The following KIAA1217 variants were observed in gnomAD, a reference collection of about 807,000 sequenced individuals.
KIAA1217 encodes sickle tail protein homolog.
Under a neutral mutation model 163.9 loss-of-function variants are expected in KIAA1217, and 88 were observed. That is an observed-to-expected ratio of 0.54 (90% confidence interval 0.45 to 0.64). KIAA1217 has a LOEUF of 0.64. Ranked by LOEUF, KIAA1217 falls within the 30% of genes least tolerant of loss-of-function variation. The pLI is 0.00. For missense variants in KIAA1217, 2,372 were observed against 2,475.0 expected (o/e 0.96, Z 0.88); for synonymous variants, 903 against 923.1 (o/e 0.98, Z 0.39).
chr10:23,949,924 G>A lies in KIAA1217; in HGVS notation c.-320-57301G>A, dbSNP rs559993879. On this transcript the variant is annotated intron_variant, in intron 1 of 18. Coordinates refer to the KIAA1217 transcript ENST00000376462. ...ACCACTTACTGAGCATTCCCTTTAC[G>A]TCAGGAATTCTTCTAAGGCCTTTGT... is the stretch of plus-strand genomic sequence containing the variant. 2.6e-5 allele frequency among the ~76,000 whole-genome samples: 4 copies of A among 152,200 alleles called. No individual in the cohort carries two copies. In the South Asian group the frequency reaches 6.2e-4, roughly 24 times the overall value.
chr10:24,050,715 T>C (rs773219404), intron 2 of KIAA1217, among the ~76,000 whole-genome samples: 3 of 152,172 alleles, frequency 2.0e-5, no homozygotes, highest in Non-Finnish European at 4.4e-5. Context: ...AGCCTTGTAG[T>C]ATAGTTTGAA....
chr10:24,380,985 A>G lies in KIAA1217; in HGVS notation c.471A>G (p.Pro157=). The change falls in exon 3 of 21, where the codon CCA becomes CCG. Residue 157 remains proline (P), a synonymous_variant. Transcript: ENST00000376454. ...SLEAMSEGDA[P]TPFSRGSRTR... ...AAGCCATGTCTGAGGGGGATGCTCC[A>G]ACCCCTTTTTCCAGAGGCAGCCGGA... 2 of 1,609,060 alleles carry G rather than the reference A, an allele frequency of 1.2e-6. No individual in the cohort carries two copies. The highest frequency in any genetic ancestry group is 1.7e-6 in the Non-Finnish European group (2 of 1,177,372).
chr10:24,269,210 TA>T (rs59746609), intron 2 of KIAA1217, among the ~76,000 whole-genome samples: 7,935 of 87,056 alleles, frequency 0.091, 468 homozygotes, highest in African/African-American at 0.22. Flanking sequence ...AAAGTATAAT[TA>T]AAAAAAAAAA....
chr10:23,859,216 C>T (rs16923979), intron 1 of KIAA1217, among the ~76,000 whole-genome samples: 10,739 of 152,120 alleles, frequency 0.071, 1,278 homozygotes, highest in African/African-American at 0.25. Flanking sequence ...TTGTTATGGA[C>T]CTAAAGCCTG....
chr10:23,707,119 A>C (rs1447358883), intron 1 of KIAA1217, among the ~76,000 whole-genome samples: 1 of 152,220 alleles, frequency 6.6e-6, no homozygotes, highest in African/African-American at 2.4e-5. Flanking sequence ...ATATAGGTTA[A>C]AGGGGTAGGA....
chr10:24,042,260 CTTG>C (rs1303796480), intron 2 of KIAA1217: 37 of 140,488 alleles, frequency 2.6e-4, no homozygotes, highest in African/African-American at 6.5e-4. Flanking sequence ...TTTTTTTTTT[CTTG>C]TTGTTTTTTC....
chr10:23,733,656 G>A (rs888257587), intron 1 of KIAA1217, among the ~76,000 whole-genome samples: 2 of 151,720 alleles, frequency 1.3e-5, no homozygotes, highest in African/African-American at 4.8e-5. Context: ...TCTGGGGTTG[G>A]TTGAATCTGC....
chr10:23,805,899 C>T (rs1836711650), intron 1 of KIAA1217, among the ~76,000 whole-genome samples: 1 of 147,290 alleles, frequency 6.8e-6, no homozygotes, highest in Admixed American at 6.9e-5. Flanking sequence ...GCCTGTATTC[C>T]CAGCTACTCA....
Position 24,433,065 on chromosome 10 carries a change from C to G in KIAA1217, c.624C>G (p.Asp208Glu), listed in dbSNP as rs768041614. 6.2e-7 allele frequency: 1 copy of G among 1,614,002 alleles called. No individual in the cohort carries two copies. Among genetic ancestry groups the G allele is most frequent in the Non-Finnish European group, 8.5e-7 (1 of 1,180,034 alleles). ...LRMPNEITSA[D>E]TIRALFVSAF... Reference sequence around the variant, plus strand: ...TGCCGAATGAAATCACAAGTGCAGACACAATCCGTGCTCTCTTCGTAAGTG... The same window carrying G: ...TGCCGAATGAAATCACAAGTGCAGAGACAATCCGTGCTCTCTTCGTAAGTG... The change falls in exon 4 of 21, where the codon GAC becomes GAG. Residue 208 changes from aspartate to glutamate, a missense_variant. Coordinates refer to ENST00000376454, the MANE Select transcript of KIAA1217 (RefSeq NM_019590.5).
At chr10:24,037,758 A>G (rs1330003725) in intron 2 of KIAA1217, among the ~76,000 whole-genome samples, 1 of 152,216 alleles carries the variant, frequency 6.6e-6, no homozygotes, top group Non-Finnish European at 1.5e-5. Context: ...ATTACTCACA[A>G]TTCAAACAAT....
intron 3 of KIAA1217, among the ~76,000 whole-genome samples, chr10:24,400,177 G>T (rs1433871716): frequency 2.0e-5 from 3 of 152,122 alleles, no homozygotes; most frequent in African/African-American, 7.2e-5. Flanking sequence ...GAGAATTGGG[G>T]CAGAAAAAAA....
In KIAA1217 at chr10:23,934,606, T is replaced by C. The variant is rs1287152926; in HGVS notation, c.-320-72619T>C. ...ATATATATATGTATATATATATATA[T>C]GTATATATATATATATATATTTTTT... On this transcript the variant is annotated intron_variant, in intron 1 of 18. Coordinates refer to the KIAA1217 transcript ENST00000376462. Among the ~76,000 whole-genome samples, 34 of 76,286 alleles carry C rather than the reference T, an allele frequency of 4.5e-4. 6 individuals carry two copies. In the African/African-American group the frequency reaches 4.6e-3, roughly 10 times the overall value. The allele number at this position is 76,286 out of a possible 152,430, so 50.0% of individuals were successfully genotyped here.
intron 1 of KIAA1217, among the ~76,000 whole-genome samples, chr10:23,988,452 T>G (rs371892212): frequency 6.6e-6 from 1 of 152,230 alleles, no homozygotes; most frequent in African/African-American, 2.4e-5. Context: ...CTTTCAACAT[T>G]TCTTTAATCA....
At chr10:24,058,607 C>T (rs1171811167) in intron 2 of KIAA1217, among the ~76,000 whole-genome samples, 2 of 151,982 alleles carry the variant, frequency 1.3e-5, no homozygotes, top group East Asian at 3.9e-4. Flanking sequence ...AATCCTTCAC[C>T]TCTTAAGTTT....
intron 12 of KIAA1217, 56 bp downstream of exon 12, chr10:24,521,985 C>T (rs1051103003): frequency 1.9e-5 from 29 of 1,560,960 alleles, no homozygotes; most frequent in South Asian, 6.8e-5. Flanking sequence ...ACTGGGAAAC[C>T]GAGAGTGGAC....
intron 2 of KIAA1217, among the ~76,000 whole-genome samples, chr10:24,045,972 G>A (rs1334514008): frequency 6.6e-6 from 1 of 152,128 alleles, no homozygotes; most frequent in African/African-American, 2.4e-5. Context: ...AAGTGTATGT[G>A]TTGATATATG....
At chr10:24,250,209 G>A (rs977039061) in intron 2 of KIAA1217, among the ~76,000 whole-genome samples, 2 of 152,202 alleles carry the variant, frequency 1.3e-5, no homozygotes, top group African/African-American at 4.8e-5. Context: ...GAAGAAAGCC[G>A]CATACATAGA....
At chr10:24,149,072 TAA>T (rs778554254) in intron 2 of KIAA1217, among the ~76,000 whole-genome samples, 1 of 152,228 alleles carries the variant, frequency 6.6e-6, no homozygotes, top group African/African-American at 2.4e-5. Flanking sequence ...GAATCACAGT[TAA>T]AGTTTCCTGA....
In KIAA1217 at chr10:23,934,587, A is replaced by ATG. The variant is rs1843423626; in HGVS notation, c.-320-72637_-320-72636insGT. Among the ~76,000 whole-genome samples the ATG allele has an allele frequency of 8.3e-5, 5 of 60,322 alleles. No homozygotes were observed. The East Asian group carries it at 1.3e-3, about 15-fold the overall frequency. 39.6% of individuals were successfully genotyped at this position (60,322 alleles called of 152,430 possible). A position where few individuals can be genotyped will look rare whatever the true frequency, so the allele number is the denominator to read the frequency against. On this transcript the variant is annotated intron_variant, in intron 1 of 18. Coordinates refer to the KIAA1217 transcript ENST00000376462. ...TATATATATATATATATATATATAT[A>ATG]TATGTATATATATATATATGTATAT... is the stretch of plus-strand genomic sequence containing the variant.
Sources: allele counts gnomAD v4.1 joint callset (sites outside exome capture counted in the v4.1 genomes callset), GRCh38; gene constraint gnomAD v4.1.1; transcripts MANE v1.5; gene names NCBI Gene and HGNC (gene_info 2026-07-23, HGNC 2026-07-21).